Variants in TRPM3 observed in about 807,000 individuals in gnomAD.
TRPM3 encodes transient receptor potential cation channel subfamily M member 3.
In TRPM3, 77 loss-of-function variants were observed where a neutral mutation model predicts 181.2. The observed-to-expected ratio is 0.42, with a 90% CI of 0.35 to 0.51. The LOEUF (loss-of-function observed/expected upper bound fraction) is 0.51. TRPM3 is among the 20% of genes least tolerant of loss of function. The probability of loss-of-function intolerance (pLI) is 0.01; values close to 1 mark genes in which losing one functional copy is unlikely to be tolerated. For synonymous variants in TRPM3, 745 were observed against 796.4 expected, an observed-to-expected ratio of 0.94 and a Z score of 1.09; for missense variants, 1,759 against 2,196.7, an observed-to-expected ratio of 0.80 and a Z score of 3.98.
upstream of TRPM3, among the ~76,000 whole-genome samples, chr9:71,124,548 G>A (rs969954586): frequency 3.3e-5 from 5 of 151,878 alleles, no homozygotes; most frequent in African/African-American, 9.7e-5. Context: ...ATTCTCTCCC[G>A]TGCTACAGAA....
chr9:70,752,007 T>A lies in TRPM3; in HGVS notation c.1272+9594A>T, dbSNP rs944034560. Among the ~76,000 whole-genome samples the A allele has an allele frequency of 3.1e-4, 33 of 106,792 alleles. No individual in the cohort carries two copies. The South Asian group carries it at 3.7e-3, about 12-fold the overall frequency. The allele number at this position is 106,792 out of a possible 152,430, so 70.1% of individuals were successfully genotyped here. On this transcript the variant is annotated intron_variant, in intron 8 of 25. Transcript: ENST00000677713. Reference sequence around the variant, plus strand: ...TCAATCCACATCTCAACAGTGTGTGTGTGTGTGTGTGTGTGTGTGTGTGTG... The same window carrying A: ...TCAATCCACATCTCAACAGTGTGTGAGTGTGTGTGTGTGTGTGTGTGTGTG...
At chr9:71,067,759 C>A (rs1296427812) in intron 1 of TRPM3, among the ~76,000 whole-genome samples, 2 of 152,102 alleles carry the variant, frequency 1.3e-5, no homozygotes, top group East Asian at 3.9e-4. Flanking sequence ...GCCAAGGGCT[C>A]TTACTTGGTC....
intron 1 of TRPM3, among the ~76,000 whole-genome samples, chr9:71,095,596 T>G (rs922057990): frequency 6.6e-6 from 1 of 151,444 alleles, no homozygotes; most frequent in African/African-American, 2.4e-5. Flanking sequence ...TCGTCCCTAC[T>G]AAAAATACAA....
At chr9:71,362,189 G>A (rs565558179) in intron 1 of TRPM3, among the ~76,000 whole-genome samples, 1 of 152,204 alleles carries the variant, frequency 6.6e-6, no homozygotes, top group Non-Finnish European at 1.5e-5. Context: ...CCTATCCCCA[G>A]TCTGTCTGTT....
At chr9:70,602,655 T>C (rs773419859) in intron 20 of TRPM3, among the ~76,000 whole-genome samples, 3 of 152,232 alleles carry the variant, frequency 2.0e-5, no homozygotes, top group Non-Finnish European at 2.9e-5. Flanking sequence ...TTGTGGATTT[T>C]CGCTTAATCA....
intron 1 of TRPM3, among the ~76,000 whole-genome samples, chr9:71,297,603 A>T (rs1413698473): frequency 6.6e-6 from 1 of 152,182 alleles, no homozygotes; most frequent in Admixed American, 6.5e-5. Flanking sequence ...ACTTACTATC[A>T]CAAGACTAGC....
In TRPM3 at chr9:71,171,015, A is replaced by G. The variant is rs995036024; in HGVS notation, c.183+275638T>C. ...AGAAAGAGAATATGCGCCTGGAGGT[A>G]TAGGCTTATAAACAGCCCCCCCCAG... On this transcript the variant is annotated intron_variant, in intron 1 of 24. Coordinates refer to the TRPM3 transcript ENST00000357533. Among the ~76,000 whole-genome samples the G allele has an allele frequency of 2.2e-5, 3 of 135,350 alleles. No homozygotes were observed. The South Asian group carries it at 7.8e-4, about 35-fold the overall frequency. The allele number at this position is 135,350 out of a possible 152,430, so 88.8% of individuals were successfully genotyped here.
chr9:71,232,247 G>C lies in TRPM3; in HGVS notation c.183+214406C>G, dbSNP rs575593283. 2.3e-4 allele frequency among the ~76,000 whole-genome samples: 35 copies of C among 152,224 alleles called. No homozygotes were observed. In the East Asian group the frequency reaches 6.2e-3, roughly 27 times the overall value. On this transcript the variant is annotated intron_variant, in intron 1 of 24. Transcript: ENST00000357533. ...CAAGCATTGTTTGTAACTACCTCAA[G>C]TTAGTCTGATCTGTGCTAGGAACCT...
At chr9:71,405,965 T>C (rs2093428263) in intron 1 of TRPM3, among the ~76,000 whole-genome samples, 1 of 152,158 alleles carries the variant, frequency 6.6e-6, no homozygotes, top group Non-Finnish European at 1.5e-5. Flanking sequence ...AATATCGCGT[T>C]ATCTTTTTTC....
chr9:70,928,438 A>T (rs1269693250), intron 1 of TRPM3, among the ~76,000 whole-genome samples: 1 of 152,184 alleles, frequency 6.6e-6, no homozygotes, highest in African/African-American at 2.4e-5. Context: ...TGTTAGATCA[A>T]TGTGGAAACC....
intron 1 of TRPM3, among the ~76,000 whole-genome samples, chr9:71,377,098 C>T (rs529623825): frequency 4.6e-5 from 7 of 151,998 alleles, no homozygotes; most frequent in Admixed American, 2.0e-4. Context: ...GTAGAATAAA[C>T]GGTAAAACTG....
intron 1 of TRPM3, among the ~76,000 whole-genome samples, chr9:71,277,280 C>A (rs2084288880): frequency 6.6e-6 from 1 of 152,166 alleles, no homozygotes; most frequent in African/African-American, 2.4e-5. Context: ...CGTGCTCAAG[C>A]TTGTCTGAAA....
chr9:71,387,142 G>T (rs930655399), intron 1 of TRPM3, among the ~76,000 whole-genome samples: 1 of 152,114 alleles, frequency 6.6e-6, no homozygotes, highest in African/African-American at 2.4e-5. Context: ...AATTAGACTC[G>T]ATTTTTGAAA....
intron 1 of TRPM3, among the ~76,000 whole-genome samples, chr9:71,441,500 CAACA>C (rs2094135633): frequency 6.6e-6 from 1 of 152,108 alleles, no homozygotes; most frequent in African/African-American, 2.4e-5. Context: ...AAAAAGGAAA[CAACA>C]ATTCTTTTCA....
intron 6 of TRPM3, among the ~76,000 whole-genome samples, chr9:70,822,919 C>A (rs917204032): frequency 1.3e-5 from 2 of 152,078 alleles, no homozygotes; most frequent in Non-Finnish European, 2.9e-5. Context: ...CCTTGATAAT[C>A]TAGCAAGGGC....
intron 9 of TRPM3, among the ~76,000 whole-genome samples, chr9:70,648,632 CA>C (rs61602802): frequency 1.4e-4 from 21 of 147,828 alleles, no homozygotes; most frequent in African/African-American, 1.7e-4. Context: ...CATACTAGTA[CA>C]AAAAAAAAAG....
intron 20 of TRPM3, among the ~76,000 whole-genome samples, chr9:70,602,796 C>T (rs2060305225): frequency 6.6e-6 from 1 of 152,192 alleles, no homozygotes; most frequent in Non-Finnish European, 1.5e-5. Context: ...AGGGACCCTG[C>T]ACTCACAACC....
At chr9:70,775,410 G>A (rs1438580818) in intron 7 of TRPM3, 1 of 152,236 alleles carries the variant, frequency 6.6e-6, no homozygotes, top group East Asian at 1.9e-4. Context: ...ACAGTGGGGA[G>A]GACAGCTCCA....
intron 1 of TRPM3, among the ~76,000 whole-genome samples, chr9:71,356,377 T>A (rs555722550): frequency 6.6e-6 from 1 of 152,114 alleles, no homozygotes; most frequent in East Asian, 1.9e-4. Context: ...TGCATCCAGG[T>A]GTTTAATGGA....
Sources: gnomAD v4.1 joint callset for allele counts (sites outside exome capture counted in the v4.1 genomes callset) on GRCh38, gnomAD v4.1.1 for gene constraint, MANE v1.5 for transcripts, NCBI Gene and HGNC (gene_info 2026-07-23, HGNC 2026-07-21) for gene names.